The following CNTN4 variants were observed in gnomAD, a reference collection of about 807,000 sequenced individuals.
CNTN4 encodes contactin 4.
In CNTN4, 77 loss-of-function variants were observed where a neutral mutation model predicts 122.5. The ratio of observed to expected loss-of-function variants is 0.63; its 90% CI spans 0.52 to 0.76. The LOEUF is 0.76. Among genes scored for constraint, CNTN4 ranks in the 30% least tolerant of loss-of-function variants. CNTN4 has a pLI of 0.00. For missense variants in CNTN4, 1,256 were observed against 1,259.1 expected (o/e 1.00, Z 0.04); for synonymous variants, 512 against 447.0 (o/e 1.15, Z -1.83).
At chr3:2,558,324 A>G (rs538803716) in intron 3 of CNTN4, among the ~76,000 whole-genome samples, 5 of 152,208 alleles carry the variant, frequency 3.3e-5, no homozygotes, top group African/African-American at 9.6e-5. Context: ...GCAATCCACA[A>G]TCTTGCATTG....
rs17657457 is a variant in CNTN4, at chr3:3,030,780, C to G, written c.1663-75C>G. The stretch of plus-strand genomic sequence containing the variant: ...CAGTGTAAAATAAATCCATTAGTCA[C>G]CGTGTCCTTCATGTGATAATGATAT... On this transcript the variant is annotated intron_variant, in intron 15 of 24. Transcript: ENST00000418658. The G allele has an allele frequency of 0.079, 118,992 of 1,511,566 alleles. 5,592 individuals are homozygous for G. Among genetic ancestry groups the G allele is most frequent in the Admixed American group, 0.12 (6,907 of 59,804 alleles). The allele number at this position is 1,511,566 out of a possible 1,614,324, so 93.6% of individuals were successfully genotyped here.
intron 4 of CNTN4, among the ~76,000 whole-genome samples, chr3:2,587,716 T>G (rs1160684804): frequency 4.6e-5 from 7 of 152,252 alleles, no homozygotes; most frequent in African/African-American, 1.7e-4. Flanking sequence ...GGATTTCATA[T>G]TATTTAAACT....
rs181287371 is a variant in CNTN4 at position 2,732,418 on chromosome 3, C to T, written c.56-3797C>T. Among the ~76,000 whole-genome samples the T allele has an allele frequency of 9.5e-4, 144 of 152,004 alleles. 2 individuals carry two copies. Among genetic ancestry groups the T allele is most frequent in the African/African-American group, 3.5e-3 (143 of 41,416 alleles). On this transcript the variant is annotated intron_variant, in intron 4 of 24. Coordinates refer to ENST00000418658, the MANE Select transcript of CNTN4 (RefSeq NM_175607.3). ...ACGCATTGTATTATTAAATCTTGTC[C>T]TCTGTCATTTGCTGCGATGCTCTTT... is the stretch of plus-strand genomic sequence containing the variant.
At chr3:2,597,341 T>G (rs2080817957) in intron 4 of CNTN4, among the ~76,000 whole-genome samples, 1 of 152,216 alleles carries the variant, frequency 6.6e-6, no homozygotes, top group South Asian at 2.1e-4. Context: ...TACTACCATT[T>G]GTAGTTTGTC....
chr3:2,743,388 G>A (rs930040871), intron 5 of CNTN4, among the ~76,000 whole-genome samples: 1 of 152,140 alleles, frequency 6.6e-6, no homozygotes, highest in Non-Finnish European at 1.5e-5. Flanking sequence ...AGAGCACAGA[G>A]AATTACTGTG....
intron 4 of CNTN4, among the ~76,000 whole-genome samples, chr3:2,735,250 A>C (rs2088996787): frequency 6.6e-6 from 1 of 152,228 alleles, no homozygotes; most frequent in Non-Finnish European, 1.5e-5. Context: ...AAAGAATTTG[A>C]ACTTGATTTT....
chr3:2,162,228 A>G (rs2035994580), intron 2 of CNTN4, among the ~76,000 whole-genome samples: 2 of 152,234 alleles, frequency 1.3e-5, no homozygotes, highest in South Asian at 2.1e-4. Flanking sequence ...TTGTTTATCA[A>G]CATGAGGTTT....
intron 4 of CNTN4, among the ~76,000 whole-genome samples, chr3:2,731,437 A>G (rs7616861): frequency 0.72 from 109,504 of 151,992 alleles, 39,665 homozygotes; most frequent in African/African-American, 0.77. Context: ...AAGGAGAAAC[A>G]AACTCAGGAA....
At chr3:2,584,915 A>T (rs1451733640) in intron 4 of CNTN4, among the ~76,000 whole-genome samples, 1 of 151,784 alleles carries the variant, frequency 6.6e-6, no homozygotes, top group Non-Finnish European at 1.5e-5. Context: ...GTAGGTAGGT[A>T]GGTAGATAGA....
At chr3:2,502,683 G>C (rs1156508465) in intron 3 of CNTN4, among the ~76,000 whole-genome samples, 3 of 152,140 alleles carry the variant, frequency 2.0e-5, no homozygotes, top group Non-Finnish European at 2.9e-5. Flanking sequence ...AAGAGAGAAG[G>C]CTTAGTCCAC....
chr3:2,658,986 A>G (rs2083738351), intron 4 of CNTN4, among the ~76,000 whole-genome samples: 1 of 148,316 alleles, frequency 6.7e-6, no homozygotes, highest in Admixed American at 6.6e-5. Context: ...ACACACACAC[A>G]CACACACACA....
intron 2 of CNTN4, among the ~76,000 whole-genome samples, chr3:2,318,541 G>C (rs886366070): frequency 6.6e-6 from 1 of 152,142 alleles, no homozygotes; most frequent in East Asian, 1.9e-4. Flanking sequence ...TAACATGTGA[G>C]AGCTGCAGGT....
intron 4 of CNTN4, among the ~76,000 whole-genome samples, chr3:2,661,809 CAAAAAA>C (rs544079802): frequency 3.8e-5 from 3 of 78,480 alleles, no homozygotes; most frequent in Admixed American, 2.9e-4. Flanking sequence ...AATTCCATCT[CAAAAAA>C]AAAAAAAAAA....
At chr3:2,255,438 A>G (rs2040543082) in intron 2 of CNTN4, among the ~76,000 whole-genome samples, 1 of 152,212 alleles carries the variant, frequency 6.6e-6, no homozygotes, top group African/African-American at 2.4e-5. Context: ...TGTGGATCTA[A>G]TAGACATCCA....
At chr3:2,624,192 G>C (rs1414592184) in intron 4 of CNTN4, among the ~76,000 whole-genome samples, 2 of 152,056 alleles carry the variant, frequency 1.3e-5, no homozygotes, top group African/African-American at 4.8e-5. Context: ...GTAATTCTGT[G>C]TATGTTATTT....
intron 3 of CNTN4, among the ~76,000 whole-genome samples, chr3:2,346,319 C>T (rs1477066295): frequency 6.6e-6 from 1 of 152,090 alleles, no homozygotes; most frequent in African/African-American, 2.4e-5. Context: ...AATTGTATCA[C>T]TCAAAGTTCC....
intron 2 of CNTN4, among the ~76,000 whole-genome samples, chr3:2,200,154 A>T (rs1024576452): frequency 6.6e-6 from 1 of 152,164 alleles, no homozygotes; most frequent in African/African-American, 2.4e-5. Context: ...GGAAGTTATT[A>T]CTGTAGCCCA....
intron 3 of CNTN4, among the ~76,000 whole-genome samples, chr3:2,439,219 C>G (rs571381044): frequency 1.3e-5 from 2 of 152,298 alleles, no homozygotes; most frequent in East Asian, 3.9e-4. Context: ...ACCAACAAAT[C>G]CACACCACCT....
intron 3 of CNTN4, among the ~76,000 whole-genome samples, chr3:2,494,798 T>A (rs2151696602): frequency 6.6e-6 from 1 of 152,346 alleles, no homozygotes; most frequent in East Asian, 1.9e-4. Context: ...GTCTGTGTGG[T>A]CAGTCTTAAG....
Sources: allele counts gnomAD v4.1 joint callset (sites outside exome capture counted in the v4.1 genomes callset), GRCh38; gene constraint gnomAD v4.1.1; transcripts MANE v1.5; gene names NCBI Gene and HGNC (gene_info 2026-07-23, HGNC 2026-07-21).